Variants in TET3 observed in about 807,000 individuals in gnomAD.
TET3 encodes the protein tet methylcytosine dioxygenase 3.
TET3 carries 19 observed loss-of-function variants against 141.4 expected under a neutral mutation model. The observed-to-expected ratio is 0.13, with a 90% CI of 0.09 to 0.20. TET3 has a LOEUF of 0.20. Among genes scored for constraint, TET3 ranks in the 10% least tolerant of loss-of-function variants. The probability of loss-of-function intolerance (pLI) is 1.00; values close to 1 mark genes in which losing one functional copy is unlikely to be tolerated. For missense variants in TET3, 1,874 were observed against 2,356.9 expected (o/e 0.80, Z 4.24); for synonymous variants, 1,043 against 980.9 (o/e 1.06, Z -1.18).
At chr2:74,080,229 C>G (rs955823637) in intron 5 of TET3, among the ~76,000 whole-genome samples, 2 of 152,228 alleles carry the variant, frequency 1.3e-5, no homozygotes, top group Non-Finnish European at 2.9e-5. Context: ...CAGGGACATT[C>G]TGCTCGGCTG....
intron 7 of TET3, among the ~76,000 whole-genome samples, chr2:74,089,333 G>C (rs1007702057): frequency 2.6e-5 from 4 of 152,136 alleles, no homozygotes; most frequent in African/African-American, 9.7e-5. Flanking sequence ...TGTGTCAGTA[G>C]CTCGTTCCTT....
In TET3 at chr2:74,087,221, G is replaced by A. The variant is rs933067762; in HGVS notation, c.2680-609G>A. Among the ~76,000 whole-genome samples the A allele has an allele frequency of 1.3e-5, 2 of 152,304 alleles. No individual in the cohort carries two copies. Among genetic ancestry groups the A allele is most frequent in the South Asian group, 2.1e-4 (1 of 4,822 alleles). ...CGTCGTACTTACCTGTTCATCAACCGATGGACCCTGGGGGTGCTTCCACCT... is the reference window on the plus strand; with the variant it reads ...CGTCGTACTTACCTGTTCATCAACCAATGGACCCTGGGGGTGCTTCCACCT... On this transcript the variant is annotated intron_variant, in intron 6 of 11. Transcript: ENST00000409262. This position sits in a 1 kb window ranked among gnomAD's most constrained non-coding sequence, Gnocchi z 4.3.
rs565224623 is a variant in TET3, at chr2:74,099,232, G to A, written c.3268-44G>A. 1.8e-5 allele frequency: 27 copies of A among 1,506,788 alleles called. No homozygotes were observed. In the African/African-American group the frequency reaches 2.1e-4, roughly 12 times the overall value. 93.3% of individuals were successfully genotyped at this position (1,506,788 alleles called of 1,614,324 possible). ...CTCAGACCCCTCTCTCCCAGCACTC[G>A]GTCCCCCAACCCCATGTCCTCTCTC... On this transcript the variant is annotated intron_variant, in intron 10 of 11. Coordinates refer to ENST00000409262, the MANE Select transcript of TET3 (RefSeq NM_001287491.2).
At chr2:74,097,578 G>C (rs143448770) in intron 10 of TET3, among the ~76,000 whole-genome samples, 1 of 152,154 alleles carries the variant, frequency 6.6e-6, no homozygotes. Context: ...GGGGAGCACC[G>C]GGCCAGTCAG....
rs1405888273 is a variant in TET3, at chr2:74,087,509, A to G, written c.2680-321A>G. On this transcript the variant is annotated intron_variant, in intron 6 of 11. Transcript: ENST00000409262. The surrounding 1 kb of genome is among the most constrained non-coding windows in gnomAD (Gnocchi z 4.3). ...AAATCTGACTGTATTTTGGCTTACA[A>G]TTTTTATCTGTGTATTTTTACTCCT... Among the ~76,000 whole-genome samples the G allele has an allele frequency of 6.6e-6, 1 of 152,136 alleles. No homozygotes were observed. The highest frequency in any genetic ancestry group is 1.9e-4 in the East Asian group (1 of 5,206).
At chr2:74,061,976 A>G (rs1439770498) in intron 4 of TET3, among the ~76,000 whole-genome samples, 1 of 142,862 alleles carries the variant, frequency 7.0e-6, no homozygotes, top group Non-Finnish European at 1.5e-5. Context: ...GTCCCAGACA[A>G]TGGGCGACCA....
At chr2:74,053,038 T>G (rs1028426847) in intron 4 of TET3, among the ~76,000 whole-genome samples, 1 of 152,202 alleles carries the variant, frequency 6.6e-6, no homozygotes, top group African/African-American at 2.4e-5. Context: ...ATGGATTTTT[T>G]TATCTGAATC....
At chr2:74,077,869 C>T (rs1229100961) in intron 5 of TET3, among the ~76,000 whole-genome samples, 1 of 152,222 alleles carries the variant, frequency 6.6e-6, no homozygotes, top group Non-Finnish European at 1.5e-5. Flanking sequence ...CCACGACACA[C>T]CAGGGGCCCA....
At chr2:74,061,787 G>A (rs1369806840) in intron 4 of TET3, among the ~76,000 whole-genome samples, 4 of 141,348 alleles carry the variant, frequency 2.8e-5, no homozygotes, top group Middle Eastern at 3.6e-3. Flanking sequence ...ACGGGGTCGC[G>A]GCCGGGTAGA....
In TET3 at chr2:73,986,700, C is replaced by T. The variant is rs1684043897; in HGVS notation, c.297C>T (p.Leu99=). The T allele has an allele frequency of 1.6e-6, 2 of 1,231,982 alleles. No homozygotes were observed. The highest frequency in any genetic ancestry group is 6.3e-5 in the East Asian group (2 of 31,704). The allele number at this position is 1,231,982 out of a possible 1,614,324, so 76.3% of individuals were successfully genotyped here. A position where few individuals can be genotyped will look rare whatever the true frequency, so the allele number is the denominator to read the frequency against. The part of the protein sequence containing the change: ...CEVLKKKVGL[L]KEVEIKAGEG... ...TGCTGAAGAAAAAAGTAGGGCTTCT[C>T]AAGGAGGTAAGCCGGCCCTTGCTGG... The change falls in exon 2 of 12, where the codon CTC becomes CTT. Residue 99 remains leucine, a synonymous_variant. Transcript: ENST00000409262.
chr2:74,114,288 G>T, the TET3 span, among the ~76,000 whole-genome samples: 1 of 119,824 alleles, frequency 8.3e-6, no homozygotes, highest in Middle Eastern at 3.9e-3. Flanking sequence ...TGATATAATG[G>T]ACCTTGGGGA....
At position 74,098,593 on chromosome 2, in the gene TET3, ACT is replaced by A. The variant is rs1491395314; in HGVS notation, c.3268-680_3268-679del. 4.2e-3 allele frequency among the ~76,000 whole-genome samples: 571 copies of A among 134,450 alleles called. 4 individuals are homozygous for A. Among genetic ancestry groups the A allele is most frequent in the African/African-American group, 0.017 (532 of 30,996 alleles). 88.2% of individuals were successfully genotyped at this position (134,450 alleles called of 152,430 possible). ...ACATAGAGTTTATAATAAAAAGGAA[ACT>A]CTTTTTTTTTTTTTTTGAGACGGAG... On this transcript the variant is annotated intron_variant, in intron 10 of 11. Coordinates refer to ENST00000409262, the MANE Select transcript of TET3 (RefSeq NM_001287491.2).
Position 74,101,540 on chromosome 2 carries a change from G to A in TET3, c.4752G>A (p.Leu1584=). ...QLDRAWQSFG[L]PLGSSEKLFG... is the part of the protein sequence containing the mutation. ...ACAGGGCCTGGCAGTCCTTTGGTCT[G>A]CCCCTGGGATCCAGCGAGAAGCTGT... The change falls in exon 12 of 12, where the codon CTG becomes CTA. Residue 1584 remains leucine (L), a synonymous_variant. Coordinates refer to ENST00000409262, the MANE Select transcript of TET3 (RefSeq NM_001287491.2). This position sits in a 1 kb window ranked among gnomAD's most constrained non-coding sequence, Gnocchi z 8.5. The A allele has an allele frequency of 6.2e-7, 1 of 1,610,434 alleles. No homozygotes were observed. Among genetic ancestry groups the A allele is most frequent in the Non-Finnish European group, 8.5e-7 (1 of 1,178,302 alleles).
rs1372664948 is a variant in TET3, at chr2:74,105,285, G to C, written c.*3109G>C. 2.5e-6 allele frequency: 1 copy of C among 398,494 alleles called. No individual in the cohort carries two copies. Among genetic ancestry groups the C allele is most frequent in the Non-Finnish European group, 4.4e-6 (1 of 226,068 alleles). The allele number at this position is 398,494 out of a possible 1,614,324, so 24.7% of individuals were successfully genotyped here. On this transcript the variant is annotated 3_prime_UTR_variant, in exon 12 of 12. Coordinates refer to ENST00000409262, the MANE Select transcript of TET3 (RefSeq NM_001287491.2). Reference sequence around the variant, plus strand: ...TGCCCTGTCCACGGACACCATCCACGTGCAGTGCAAACATTTGGTTCCTTT... The same window carrying C: ...TGCCCTGTCCACGGACACCATCCACCTGCAGTGCAAACATTTGGTTCCTTT...
chr2:74,027,285 G>A (rs1328056514), intron 3 of TET3, among the ~76,000 whole-genome samples: 5 of 150,108 alleles, frequency 3.3e-5, no homozygotes, highest in Admixed American at 1.3e-4. Context: ...GTGCTTTCTC[G>A]TTTTCTTAGC....
chr2:74,100,832 C>T lies in TET3; in HGVS notation c.4044C>T (p.Asp1348=), dbSNP rs530077169. 1.4e-5 allele frequency: 22 copies of T among 1,612,110 alleles called. No homozygotes were observed. Among genetic ancestry groups the T allele is most frequent in the Admixed American group, 3.3e-5 (2 of 59,802 alleles). Reference sequence around the variant, plus strand: ...TGCCCAGCCAGGCTGTTCCCACAGACGCCCACCACCCCACTCCTCACCACC... The same window carrying T: ...TGCCCAGCCAGGCTGTTCCCACAGATGCCCACCACCCCACTCCTCACCACC... ...AELPSQAVPT[D]AHHPTPHHQQ... The change falls in exon 12 of 12, where the codon GAC becomes GAT. Residue 1348 remains aspartate (D), a synonymous_variant. Coordinates refer to ENST00000409262, the MANE Select transcript of TET3 (RefSeq NM_001287491.2).
At chr2:74,090,290 T>TA (rs1690406741) in intron 8 of TET3, among the ~76,000 whole-genome samples, 5 of 152,242 alleles carry the variant, frequency 3.3e-5, no homozygotes, top group Admixed American at 6.5e-5. Context: ...AAACCATCTC[T>TA]TTTAGGTAAA....
At chr2:74,080,409 C>T in intron 5 of TET3, 89 bp from the exon 6 acceptor site, 1 of 1,180,850 alleles carries the variant, frequency 8.5e-7, no homozygotes, top group African/African-American at 1.5e-5. Flanking sequence ...GAAACTCAAA[C>T]AAAAGCACAC....
chr2:74,031,392 C>A (rs762013284), intron 3 of TET3, among the ~76,000 whole-genome samples: 5 of 152,146 alleles, frequency 3.3e-5, no homozygotes, highest in Non-Finnish European at 5.9e-5. Context: ...ATAATGGTTG[C>A]GCAAATGCCT....
Sources: gnomAD v4.1 joint callset for allele counts (sites outside exome capture counted in the v4.1 genomes callset) on GRCh38, gnomAD v4.1.1 for gene constraint, Gnocchi (gnomAD v3.1) non-coding constraint, MANE v1.5 for transcripts, NCBI Gene and HGNC (gene_info 2026-07-23, HGNC 2026-07-21) for gene names.